The following TFAP2B variants were observed in gnomAD, a reference collection of about 807,000 sequenced individuals.
The protein encoded by TFAP2B is transcription factor AP-2 beta.
In TFAP2B, 9 loss-of-function variants were observed where a neutral mutation model predicts 44.3. The ratio of observed to expected loss-of-function variants is 0.20; its 90% CI spans 0.12 to 0.35. TFAP2B has a LOEUF of 0.35. Ranked by LOEUF, TFAP2B falls within the 10% of genes least tolerant of loss-of-function variation. The probability of loss-of-function intolerance (pLI) is 1.00; values close to 1 mark genes in which losing one functional copy is unlikely to be tolerated. For missense variants in TFAP2B, 509 were observed against 600.0 expected (o/e 0.85, Z 1.59); for synonymous variants, 270 against 263.8 (o/e 1.02, Z -0.23).
At chr6:50,840,760 A>G (rs1268279011) in intron 6 of TFAP2B, among the ~76,000 whole-genome samples, 4 of 152,212 alleles carry the variant, frequency 2.6e-5, no homozygotes, top group African/African-American at 9.6e-5. Context: ...TCTTCCACAG[A>G]CTTGTAAAAT....
Position 50,843,095 on chromosome 6 carries a change from A to C in TFAP2B, c.1086A>C (p.Gln362His). The stretch of plus-strand genomic sequence containing the variant: ...TGCCTCGCCCACCCCTTTGCAGGCA[A>C]CTTTGTAAAGAATTTACGGATCTAC... ...SRKNMLLATK[Q>H]LCKEFTDLLA... Residue 362 changes from glutamine to histidine, a missense_variant, in exon 7 of 7, where the codon CAA becomes CAC. Physicochemically the swap from Gln to His is conservative, Grantham distance 24. Transcript: ENST00000393655. 6.2e-7 allele frequency: 1 copy of C among 1,614,246 alleles called. No individual in the cohort carries two copies. Among genetic ancestry groups the C allele is most frequent in the Non-Finnish European group, 8.5e-7 (1 of 1,180,042 alleles).
chr6:50,845,612 C>G lies in TFAP2B; in HGVS notation c.*2220C>G, dbSNP rs1023097516. 6.5e-6 allele frequency: 1 copy of G among 152,740 alleles called. No homozygotes were observed. The highest frequency in any genetic ancestry group is 2.1e-4 in the South Asian group (1 of 4,828). 9.5% of individuals were successfully genotyped at this position (152,740 alleles called of 1,614,324 possible). ...CAGCTCAGAGGCCTGCGCCTTCGTC[C>G]GAGAGCTCGGCCGATCGCATTAGAT... On this transcript the variant is annotated 3_prime_UTR_variant, in exon 7 of 7. Transcript: ENST00000393655.
At chr6:50,824,012 C>A in intron 2 of TFAP2B, 147 bp downstream of exon 2, 2 of 907,718 alleles carry the variant, frequency 2.2e-6, no homozygotes, top group Non-Finnish European at 3.4e-6. Context: ...TCATATAGAA[C>A]TGTTTATGTG....
intron 3 of TFAP2B, chr6:50,830,362 T>C (rs1770640662): frequency 9.5e-6 from 9 of 951,824 alleles, no homozygotes; most frequent in Non-Finnish European, 1.1e-5. Flanking sequence ...TTTTCTTAGA[T>C]GTGGGATGCT....
At position 50,840,259 on chromosome 6, in the gene TFAP2B, T is replaced by C. The variant is rs767225041; in HGVS notation, c.1044T>C (p.Ser348=). 4 of 1,613,932 alleles carry C rather than the reference T, an allele frequency of 2.5e-6. No homozygotes were observed. In the African/African-American group the frequency reaches 4.0e-5, roughly 16 times the overall value. ...TGAACCGGCAGCACACAGACCCGAGTGACCTGCACTCCCGAAAGAATATGC... is the reference window on the plus strand; with the variant it reads ...TGAACCGGCAGCACACAGACCCGAGCGACCTGCACTCCCGAAAGAATATGC... The part of the protein sequence containing the change: ...EYLNRQHTDP[S]DLHSRKNMLL... Residue 348 remains serine, a synonymous_variant, in exon 6 of 7, where the codon AGT becomes AGC. Coordinates refer to ENST00000393655, the MANE Select transcript of TFAP2B (RefSeq NM_003221.4).
chr6:50,818,889 T>A lies in TFAP2B; in HGVS notation c.-3T>A. ...AGAAGCCAGACATCTGCTCCTCACA[T>A]GAATGCACTCACCTCCTAGAGACCA... On this transcript the variant is annotated 5_prime_UTR_variant, in exon 1 of 7. The change abolishes an upstream ATG in the 5' untranslated region. Transcript: ENST00000393655. 6.2e-7 allele frequency: 1 copy of A among 1,614,040 alleles called. No individual in the cohort carries two copies. Among genetic ancestry groups the A allele is most frequent in the Non-Finnish European group, 8.5e-7 (1 of 1,179,972 alleles).
chr6:50,822,670 G>T (rs1301639615), intron 1 of TFAP2B, among the ~76,000 whole-genome samples: 1 of 152,134 alleles, frequency 6.6e-6, no homozygotes, highest in African/African-American at 2.4e-5. Flanking sequence ...TAGAAAAACA[G>T]TCTTAGAAAT....
upstream of TFAP2B, chr6:50,818,775 T>C: frequency 1.2e-6 from 1 of 846,164 alleles, no homozygotes; most frequent in Non-Finnish European, 2.0e-6. Context: ...AGACAACAGA[T>C]ATAAGTTGCG....
Position 50,824,704 on chromosome 6 carries a change from G to A in TFAP2B, c.540+839G>A, listed in dbSNP as rs55712398. Among the ~76,000 whole-genome samples, 1,118 of 152,206 alleles carry A rather than the reference G, an allele frequency of 7.3e-3. 11 individuals carry two copies. Among genetic ancestry groups the A allele is most frequent in the African/African-American group, 0.015 (643 of 41,550 alleles). On this transcript the variant is annotated intron_variant, in intron 2 of 6. Coordinates refer to ENST00000393655, the MANE Select transcript of TFAP2B (RefSeq NM_003221.4). ...CACGTGTTTATTTCTTAAAACAAAA[G>A]GCTCAAAACACTCCCCCTACCCACC...
intron 6 of TFAP2B, among the ~76,000 whole-genome samples, chr6:50,841,419 G>A (rs1410823073): frequency 6.6e-6 from 1 of 150,982 alleles, no homozygotes; most frequent in Non-Finnish European, 1.5e-5. Context: ...CTGGTGTCTG[G>A]TGAGGCACGG....
Position 50,845,159 on chromosome 6 carries a change from G to T in TFAP2B, c.*1767G>T, listed in dbSNP as rs1762819055. ...TGAATGAGAGAGGTCTCTAAATATA[G>T]TGTTGATACACTCACCTATTTAACA... On this transcript the variant is annotated 3_prime_UTR_variant, in exon 7 of 7. Coordinates refer to ENST00000393655, the MANE Select transcript of TFAP2B (RefSeq NM_003221.4). 6.6e-6 allele frequency: 1 copy of T among 152,268 alleles called. No homozygotes were observed. The highest frequency in any genetic ancestry group is 1.5e-5 in the Non-Finnish European group (1 of 68,030). 9.4% of individuals were successfully genotyped at this position (152,268 alleles called of 1,614,324 possible). A position where few individuals can be genotyped will look rare whatever the true frequency, so the allele number is the denominator to read the frequency against.
At chr6:50,821,240 C>T (rs1348114894) in intron 1 of TFAP2B, among the ~76,000 whole-genome samples, 1 of 152,198 alleles carries the variant, frequency 6.6e-6, no homozygotes. Context: ...GAGCACTAAA[C>T]AGGAAAAGGC....
intron 3 of TFAP2B, among the ~76,000 whole-genome samples, chr6:50,834,157 CCTGT>C (rs1235337793): frequency 4.6e-5 from 7 of 152,186 alleles, no homozygotes; most frequent in African/African-American, 1.7e-4. Flanking sequence ...CCACCAATCA[CCTGT>C]CTATTAAGTG....
At chr6:50,822,153 C>A (rs1434549807) in intron 1 of TFAP2B, 18 of 1,303,728 alleles carry the variant, frequency 1.4e-5, no homozygotes, top group Admixed American at 2.3e-5. Context: ...CACACCTATT[C>A]ATCCATGGTG....
At chr6:50,822,301 T>G in intron 1 of TFAP2B, 4 of 642,890 alleles carry the variant, frequency 6.2e-6, no homozygotes, top group Non-Finnish European at 9.8e-6. Flanking sequence ...CTTGGTAATT[T>G]AGCACCATAA....
rs985345865 is a variant in TFAP2B, at chr6:50,845,792, C to T, written c.*2400C>T. On this transcript the variant is annotated 3_prime_UTR_variant, in exon 7 of 7. Coordinates refer to ENST00000393655, the MANE Select transcript of TFAP2B (RefSeq NM_003221.4). Reference sequence around the variant, plus strand: ...GTCCTGAGAGCGTGTGGGCCACAGGCGCCCAGTCGTGTTGAGGACATAGAA... The same window carrying T: ...GTCCTGAGAGCGTGTGGGCCACAGGTGCCCAGTCGTGTTGAGGACATAGAA... 6.5e-6 allele frequency: 1 copy of T among 152,854 alleles called. No individual in the cohort carries two copies. The highest frequency in any genetic ancestry group is 2.4e-5 in the African/African-American group (1 of 41,598). 9.5% of individuals were successfully genotyped at this position (152,854 alleles called of 1,614,324 possible).
At chr6:50,825,057 A>G (rs12189714) in intron 2 of TFAP2B, among the ~76,000 whole-genome samples, 15,796 of 152,282 alleles carry the variant, frequency 0.1, 976 homozygotes, top group Middle Eastern at 0.18. Context: ...AGTTTTAAAC[A>G]GTTAAAATGT....
Position 50,818,970 on chromosome 6 carries a change from G to C in TFAP2B, c.79G>C (p.Glu27Gln), listed in dbSNP as rs1289482385. The change falls in exon 1 of 7, where the codon GAG becomes CAG. Residue 27 changes from glutamate to glutamine, a missense_variant and splice_region_variant. This residue lies in a region of TFAP2B where 296 missense variants were observed against 308.2 expected (regional missense o/e 0.96). Coordinates refer to ENST00000393655, the MANE Select transcript of TFAP2B (RefSeq NM_003221.4). The stretch of plus-strand genomic sequence containing the variant: ...GAATGTCAAGTACGAAGATATCTAT[G>C]AGGTGAGTCGACACCCCCAGATGCA... ...VENVKYEDIY[E>Q]DRHDGVPSHS... 6.2e-7 allele frequency: 1 copy of C among 1,613,954 alleles called. No homozygotes were observed. Among genetic ancestry groups the C allele is most frequent in the African/African-American group, 1.3e-5 (1 of 74,904 alleles).
Position 50,846,600 on chromosome 6 carries a change from C to T in TFAP2B, c.*3208C>T, listed in dbSNP as rs1463942391. 6.6e-6 allele frequency: 1 copy of T among 152,158 alleles called. No homozygotes were observed. The highest frequency in any genetic ancestry group is 1.5e-5 in the Non-Finnish European group (1 of 68,074). 9.4% of individuals were successfully genotyped at this position (152,158 alleles called of 1,614,324 possible). A position where few individuals can be genotyped will look rare whatever the true frequency, so the allele number is the denominator to read the frequency against. On this transcript the variant is annotated 3_prime_UTR_variant, in exon 7 of 7. Transcript: ENST00000393655. ...CTTCACACTTTCCACTTCGCAAGTT[C>T]TTTTAAAGGTTCCAAAGATCTCCAG... is the stretch of plus-strand genomic sequence containing the variant.
Sources: allele counts gnomAD v4.1 joint callset (sites outside exome capture counted in the v4.1 genomes callset), GRCh38; gene constraint gnomAD v4.1.1; regional missense constraint gnomAD v4.1.1; transcripts MANE v1.5; gene names NCBI Gene and HGNC (gene_info 2026-07-23, HGNC 2026-07-21).